SMG6: variants seen among roughly 807,000 people sequenced by gnomAD.
SMG6 encodes the protein telomerase-binding protein EST1A.
In SMG6, 66 loss-of-function variants were observed where a neutral mutation model predicts 142.2. The ratio of observed to expected loss-of-function variants is 0.46; its 90% confidence interval spans 0.38 to 0.57. SMG6 has a LOEUF of 0.57. SMG6 is among the 20% of genes least tolerant of loss of function. The pLI is 0.00. For synonymous variants in SMG6, 779 were observed against 702.4 expected (o/e 1.11, Z -1.72); for missense variants, 1,793 against 1,832.0 (o/e 0.98, Z 0.39).
chr17:2,223,951 T>C (rs1391413063), intron 10 of SMG6, among the ~76,000 whole-genome samples: 1 of 152,130 alleles, frequency 6.6e-6, no homozygotes, highest in Non-Finnish European at 1.5e-5. Flanking sequence ...AGAAAGAAAG[T>C]CTGAGTAAGT....
chr17:2,172,527 A>C (rs991402989), intron 13 of SMG6, 131 bp downstream of exon 13: 3 of 949,418 alleles, frequency 3.2e-6, no homozygotes, highest in Non-Finnish European at 4.7e-6. Context: ...TAAAAGGTCG[A>C]TATTTTCCCT....
intron 6 of SMG6, among the ~76,000 whole-genome samples, chr17:2,284,577 T>C (rs1396847892): frequency 6.6e-6 from 1 of 152,178 alleles, no homozygotes; most frequent in Non-Finnish European, 1.5e-5. Flanking sequence ...ATGTTTTCCA[T>C]AACTGTTTCA....
At chr17:2,234,626 T>C (rs900527769) in intron 10 of SMG6, among the ~76,000 whole-genome samples, 12 of 152,326 alleles carry the variant, frequency 7.9e-5, no homozygotes, top group Admixed American at 7.8e-4. Context: ...TGGTGGCCTA[T>C]TAAAAGGCCA....
intron 13 of SMG6, among the ~76,000 whole-genome samples, chr17:2,167,324 T>C (rs906004078): frequency 1.3e-5 from 2 of 151,930 alleles, no homozygotes; most frequent in Non-Finnish European, 2.9e-5. Context: ...GAAACCTTCC[T>C]AGAATGCAGA....
intron 1 of SMG6, 110 bp downstream of exon 1, chr17:2,303,523 G>A (rs959927081): frequency 1.5e-6 from 2 of 1,335,314 alleles, no homozygotes; most frequent in African/African-American, 1.5e-5. Context: ...TACTGCTGGG[G>A]GAAGGGGCGG....
intron 10 of SMG6, among the ~76,000 whole-genome samples, chr17:2,200,876 G>GC (rs1037079083): frequency 9.9e-5 from 15 of 151,964 alleles, no homozygotes; most frequent in African/African-American, 3.6e-4. Context: ...TGATCCTCCG[G>GC]CCTTGAACTC....
chr17:2,283,693 C>T lies in SMG6; in HGVS notation c.2380G>A (p.Ala794Thr), dbSNP rs759838673. ...GCAGTCAGGATAGGGTTGCTGGCAG[C>T]TAAACTGCGCATATAGTAATAGACA... ...DAVYYYMRSLAASNPILTAKE... is the reference protein window; with the variant it reads ...DAVYYYMRSLTASNPILTAKE... The change falls in exon 7 of 19, where the codon GCT (alanine) becomes ACT (threonine). Residue 794 changes from alanine to threonine, a missense_variant. Coordinates refer to ENST00000263073, the MANE Select transcript of SMG6 (RefSeq NM_017575.5). 2.5e-6 allele frequency: 4 copies of T among 1,614,128 alleles called. No homozygotes were observed. The highest frequency in any genetic ancestry group is 2.2e-5 in the South Asian group (2 of 91,086).
chr17:2,262,517 C>G (rs948082907), intron 8 of SMG6, among the ~76,000 whole-genome samples: 1 of 152,148 alleles, frequency 6.6e-6, no homozygotes, highest in Non-Finnish European at 1.5e-5. Context: ...CTTGCAGTTT[C>G]GAACCATGCT....
chr17:2,186,449 T>G, intron 12 of SMG6, among the ~76,000 whole-genome samples: 2 of 147,956 alleles, frequency 1.4e-5, no homozygotes, highest in South Asian at 2.2e-4. Flanking sequence ...AAAAAGAGAG[T>G]GTGAGAGGAG....
At chr17:2,159,321 T>C (rs1056828591) in intron 13 of SMG6, among the ~76,000 whole-genome samples, 2 of 152,096 alleles carry the variant, frequency 1.3e-5, no homozygotes, top group African/African-American at 2.4e-5. Flanking sequence ...TCCCAGCTAC[T>C]TGAGAGGCTG....
chr17:2,180,315 T>C (rs2071767192), intron 12 of SMG6, among the ~76,000 whole-genome samples: 1 of 152,194 alleles, frequency 6.6e-6, no homozygotes, highest in Non-Finnish European at 1.5e-5. Context: ...ACTTTCACAG[T>C]GGCCCCAGGC....
rs1335230385 is a variant in SMG6, at chr17:2,071,979, C to T, written c.3682-3048G>A. 3 of 152,154 alleles carry T rather than the reference C, an allele frequency of 2.0e-5. No individual in the cohort carries two copies. Among genetic ancestry groups the T allele is most frequent in the Non-Finnish European group, 4.4e-5 (3 of 68,050 alleles). 9.4% of individuals were successfully genotyped at this position (152,154 alleles called of 1,614,324 possible). On this transcript the variant is annotated intron_variant, in intron 15 of 18. Transcript: ENST00000263073. This position sits in a 1 kb window ranked among gnomAD's most constrained non-coding sequence, Gnocchi z 5.6. ...CTGTGCCGGCCGTCACGTCCCATTC[C>T]GATCTCTGGGTCGCACGGTAAGAGG... is the stretch of plus-strand genomic sequence containing the variant.
chr17:2,152,677 C>G (rs1319186377), intron 13 of SMG6, among the ~76,000 whole-genome samples: 2 of 152,144 alleles, frequency 1.3e-5, no homozygotes, highest in African/African-American at 4.8e-5. Flanking sequence ...AACAAACAAA[C>G]TGACAGGATC....
chr17:2,182,862 G>A (rs1043584213), intron 12 of SMG6, among the ~76,000 whole-genome samples: 1 of 151,936 alleles, frequency 6.6e-6, no homozygotes, highest in African/African-American at 2.4e-5. Flanking sequence ...TGTGGGGTAG[G>A]GGAAGAAAAG....
At chr17:2,103,712 A>G (rs1187897464) in intron 13 of SMG6, among the ~76,000 whole-genome samples, 1 of 152,064 alleles carries the variant, frequency 6.6e-6, no homozygotes, top group Non-Finnish European at 1.5e-5. Flanking sequence ...ACCACCTCCA[A>G]CACCCTGTAG....
At chr17:2,290,825 A>G (rs2075014461) in intron 6 of SMG6, among the ~76,000 whole-genome samples, 1 of 152,206 alleles carries the variant, frequency 6.6e-6, no homozygotes. Context: ...CTCACTGAAT[A>G]AGATATGTAG....
chr17:2,192,122 G>C (rs2151700820), intron 10 of SMG6, among the ~76,000 whole-genome samples: 2 of 152,378 alleles, frequency 1.3e-5, no homozygotes, highest in Middle Eastern at 6.8e-3. Context: ...TGCAGGAAAT[G>C]GGAGTGAGGC....
intron 13 of SMG6, among the ~76,000 whole-genome samples, chr17:2,171,207 G>C (rs1191367917): frequency 6.6e-6 from 1 of 152,072 alleles, no homozygotes; most frequent in African/African-American, 2.4e-5. Context: ...CTGGGAGGCA[G>C]AGGTTGCAGT....
In SMG6 at chr17:2,236,568, G is replaced by C. The variant is rs200609536; in HGVS notation, c.2793C>G (p.Pro931=). 1.3e-4 allele frequency: 209 copies of C among 1,613,746 alleles called. 2 individuals carry two copies. In the Admixed American group the frequency reaches 3.4e-3, roughly 26 times the overall value. ...GCATGCGGGTACTTCCAATGGGAGA[G>C]GGGCTGTGCTGCAGTAACACCTGGA... ...KEFQVLLQHS[P]SPIGSTRMLQ... Residue 931 remains proline, a synonymous_variant, in exon 10 of 19, where the codon CCC becomes CCG. Transcript: ENST00000263073.
Sources: gnomAD v4.1 joint callset for allele counts (sites outside exome capture counted in the v4.1 genomes callset) on GRCh38, gnomAD v4.1.1 for gene constraint, Gnocchi (gnomAD v3.1) non-coding constraint, MANE v1.5 for transcripts, NCBI Gene and HGNC (gene_info 2026-07-23, HGNC 2026-07-21) for gene names.